Variants in PCNX2 observed in about 807,000 individuals in gnomAD.
The protein encoded by PCNX2 is pecanex 2.
In PCNX2, 168 loss-of-function variants were observed where a neutral mutation model predicts 223.8. That is an observed-to-expected ratio of 0.75 (90% CI 0.66 to 0.85). The LOEUF is 0.85. PCNX2 is among the 40% of genes least tolerant of loss of function. The pLI is 0.00. For missense variants in PCNX2, 2,507 were observed against 2,675.5 expected (o/e 0.94, Z 1.39); for synonymous variants, 1,006 against 1,052.6 (o/e 0.96, Z 0.86).
At position 233,262,894 on chromosome 1, in the gene PCNX2, A is replaced by T. The variant is rs898905692; in HGVS notation, c.359+64T>A. 3.3e-6 allele frequency: 5 copies of T among 1,516,538 alleles called. No individual in the cohort carries two copies. The African/African-American group carries it at 6.9e-5, about 21-fold the overall frequency. 93.9% of individuals were successfully genotyped at this position (1,516,538 alleles called of 1,614,324 possible). On this transcript the variant is annotated intron_variant, in intron 2 of 33. Transcript: ENST00000258229. ...AGTAATTTCATAAACACTGATAAAAAACTTATTTTAATCAAGAGCAAAACA... is the reference window on the plus strand; with the variant it reads ...AGTAATTTCATAAACACTGATAAAATACTTATTTTAATCAAGAGCAAAACA...
intron 25 of PCNX2, among the ~76,000 whole-genome samples, chr1:233,036,629 C>CAA (rs34006978): frequency 1.5e-5 from 2 of 132,554 alleles, no homozygotes; most frequent in Non-Finnish European, 1.7e-5. Flanking sequence ...GACTCCATCT[C>CAA]AAAAAAAAAA....
intron 8 of PCNX2, among the ~76,000 whole-genome samples, chr1:233,237,606 T>C (rs1658497978): frequency 6.6e-6 from 1 of 152,194 alleles, no homozygotes; most frequent in African/African-American, 2.4e-5. Context: ...CCTGGCATTT[T>C]TTTCCTTTGC....
At chr1:233,217,865 A>G in intron 12 of PCNX2, 34 bp downstream of exon 12, 1 of 1,613,528 alleles carries the variant, frequency 6.2e-7, no homozygotes, top group South Asian at 1.1e-5. Context: ...ACAGACAGAC[A>G]AGAAAAGCTA....
chr1:233,002,163 G>A (rs940310924), intron 28 of PCNX2, among the ~76,000 whole-genome samples: 23 of 151,912 alleles, frequency 1.5e-4, no homozygotes, highest in Non-Finnish European at 2.9e-4. Context: ...TATGGAGAGA[G>A]GAAATAAAAC....
At chr1:233,060,123 G>T (rs1295900218) in intron 23 of PCNX2, among the ~76,000 whole-genome samples, 2 of 152,208 alleles carry the variant, frequency 1.3e-5, no homozygotes, top group Admixed American at 1.3e-4. Flanking sequence ...CAAGTATGCT[G>T]TTCTATTACA....
At chr1:232,987,175 ACTGCCTCGCCCCTC>A (rs1669522249) in intron 32 of PCNX2, among the ~76,000 whole-genome samples, 2 of 152,152 alleles carry the variant, frequency 1.3e-5, no homozygotes, top group Non-Finnish European at 2.9e-5. Flanking sequence ...CCCTTTGCCC[ACTGCCTCGCCCCTC>A]AGGGGCCCTG....
At chr1:233,222,060 C>A (rs76184415) in intron 10 of PCNX2, among the ~76,000 whole-genome samples, 1 of 152,010 alleles carries the variant, frequency 6.6e-6, no homozygotes. Flanking sequence ...AACATAAATG[C>A]AACAGAAAAA....
chr1:233,231,650 G>A, intron 9 of PCNX2: 1 of 984,868 alleles, frequency 1.0e-6, no homozygotes, highest in Middle Eastern at 5.2e-4. Context: ...GGGAGAAGGA[G>A]TAGAAGAGTG....
chr1:233,240,569 T>C (rs1658702707), intron 8 of PCNX2, among the ~76,000 whole-genome samples: 1 of 152,238 alleles, frequency 6.6e-6, no homozygotes, highest in Admixed American at 6.5e-5. Flanking sequence ...GTCTCAATTA[T>C]CCCGTTCTCT....
At chr1:233,026,290 G>A (rs7533230) in intron 25 of PCNX2, among the ~76,000 whole-genome samples, 70 of 152,260 alleles carry the variant, frequency 4.6e-4, no homozygotes, top group African/African-American at 1.6e-3. Context: ...CTTGAGGTGG[G>A]AACATACTTA....
At position 233,000,626 on chromosome 1, in the gene PCNX2, C is replaced by A; in HGVS notation, c.5098-91G>T. 1.0e-6 allele frequency: 1 copy of A among 980,406 alleles called. No individual in the cohort carries two copies. Among genetic ancestry groups the A allele is most frequent in the Non-Finnish European group, 1.5e-6 (1 of 656,600 alleles). 60.7% of individuals were successfully genotyped at this position (980,406 alleles called of 1,614,324 possible). On this transcript the variant is annotated intron_variant, in intron 29 of 33. Transcript: ENST00000258229. The surrounding 1 kb of genome is among the most constrained non-coding windows in gnomAD (Gnocchi z 4.6). ...CAGATGGCAACTGGCCAGTGACCTC[C>A]AAAGCTAAGCTCTTTCCTCATCTTC...
intron 1 of PCNX2, chr1:233,293,860 CT>C (rs750228248): frequency 1.1e-4 from 83 of 729,360 alleles, no homozygotes; most frequent in Non-Finnish European, 1.3e-4. Context: ...GGATTTCACC[CT>C]GGTGAGGGCT....
rs940103993 is a variant in PCNX2 at position 233,181,865 on chromosome 1, C to T, written c.3067-2690G>A. 3.9e-5 allele frequency among the ~76,000 whole-genome samples: 6 copies of T among 152,340 alleles called. 1 individual carries two copies. The highest frequency in any genetic ancestry group is 1.2e-4 in the African/African-American group (5 of 41,562). On this transcript the variant is annotated intron_variant, in intron 15 of 33. Coordinates refer to ENST00000258229, the MANE Select transcript of PCNX2 (RefSeq NM_014801.4). ...TGTAATCACCTCACAAAGCCCTCGC[C>T]TCCAATACCATTACATTGGGGATTA...
At chr1:233,219,369 T>C (rs894944107) in intron 10 of PCNX2, among the ~76,000 whole-genome samples, 1 of 152,034 alleles carries the variant, frequency 6.6e-6, no homozygotes, top group African/African-American at 2.4e-5. Context: ...GGAAGACTTC[T>C]GTGAGAGGAT....
chr1:233,313,036 C>T, the PCNX2 span, among the ~76,000 whole-genome samples: 3 of 151,956 alleles, frequency 2.0e-5, no homozygotes, highest in Admixed American at 6.6e-5. Flanking sequence ...ATTTTGAAAA[C>T]CTAAAGGAAG....
intron 10 of PCNX2, among the ~76,000 whole-genome samples, chr1:233,225,034 T>C (rs1330309819): frequency 7.1e-6 from 1 of 140,934 alleles, no homozygotes; most frequent in Non-Finnish European, 1.5e-5. Context: ...AGTTGATAGG[T>C]GCAGCAAACC....
the PCNX2 span, among the ~76,000 whole-genome samples, chr1:233,309,787 A>G: frequency 6.6e-6 from 1 of 151,940 alleles, no homozygotes; most frequent in South Asian, 2.1e-4. Flanking sequence ...CTGAGGTGTG[A>G]GAATTGCTTG....
chr1:233,061,240 T>C (rs550705464), intron 23 of PCNX2, among the ~76,000 whole-genome samples: 11 of 152,320 alleles, frequency 7.2e-5, no homozygotes, highest in African/African-American at 2.6e-4. Context: ...ATCTGGACAA[T>C]GAAAAGGCAG....
intron 9 of PCNX2, among the ~76,000 whole-genome samples, chr1:233,235,688 G>A (rs1371662191): frequency 2.6e-4 from 40 of 151,940 alleles, no homozygotes; most frequent in Admixed American, 2.5e-3. Flanking sequence ...TGCAACCTCC[G>A]CCTCCTGAGT....
Sources: gnomAD v4.1 joint callset for allele counts (sites outside exome capture counted in the v4.1 genomes callset) on GRCh38, gnomAD v4.1.1 for gene constraint, Gnocchi (gnomAD v3.1) non-coding constraint, MANE v1.5 for transcripts, NCBI Gene and HGNC (gene_info 2026-07-23, HGNC 2026-07-21) for gene names.